Variants in NKAIN2 observed in about 807,000 individuals in gnomAD.
The protein encoded by NKAIN2 is sodium/potassium-transporting ATPase subunit beta-1-interacting protein 2.
Under a neutral mutation model 32.6 loss-of-function variants are expected in NKAIN2, and 14 were observed. The ratio of observed to expected loss-of-function variants is 0.43; its 90% CI spans 0.28 to 0.67. NKAIN2 has a LOEUF of 0.67. Ranked by LOEUF, NKAIN2 falls within the 30% of genes least tolerant of loss-of-function variation. The probability of loss-of-function intolerance (pLI) is 0.17; values close to 1 mark genes in which losing one functional copy is unlikely to be tolerated. For synonymous variants in NKAIN2, 80 were observed against 87.2 expected, an observed-to-expected ratio of 0.92 and a Z score of 0.46; for missense variants, 198 against 258.3, an observed-to-expected ratio of 0.77 and a Z score of 1.60.
chr6:124,225,095 T>C (rs1231041779), intron 1 of NKAIN2, among the ~76,000 whole-genome samples: 1 of 152,002 alleles, frequency 6.6e-6, no homozygotes, highest in Non-Finnish European at 1.5e-5. Flanking sequence ...TCAATATAGA[T>C]TGCTTTGTTT....
intron 2 of NKAIN2, among the ~76,000 whole-genome samples, chr6:124,291,849 A>G (rs1171769635): frequency 3.3e-5 from 5 of 152,024 alleles, no homozygotes; most frequent in Non-Finnish European, 5.9e-5. Flanking sequence ...TTTGAGTTTT[A>G]TATTTTCTGT....
At chr6:124,540,015 C>G (rs1248330635) in intron 3 of NKAIN2, among the ~76,000 whole-genome samples, 1 of 152,112 alleles carries the variant, frequency 6.6e-6, no homozygotes, top group Admixed American at 6.5e-5. Flanking sequence ...GCCACCACGC[C>G]CAGCCAAAGA....
intron 1 of NKAIN2, among the ~76,000 whole-genome samples, chr6:124,130,823 A>G (rs1178444059): frequency 6.6e-6 from 1 of 152,170 alleles, no homozygotes; most frequent in Non-Finnish European, 1.5e-5. Flanking sequence ...TATCTGTTCC[A>G]GGTCATGATG....
intron 3 of NKAIN2, among the ~76,000 whole-genome samples, chr6:124,411,386 A>G (rs543003273): frequency 1.4e-4 from 22 of 152,094 alleles, no homozygotes; most frequent in Admixed American, 1.4e-3. Context: ...GGTGGTGACA[A>G]AATCTCTCAG....
chr6:123,995,906 C>T (rs780648672), intron 1 of NKAIN2, among the ~76,000 whole-genome samples: 21 of 152,056 alleles, frequency 1.4e-4, no homozygotes, highest in Non-Finnish European at 2.8e-4. Flanking sequence ...TTTAACAAAG[C>T]ATTAATAAAA....
At chr6:123,938,862 A>G (rs1210757414) in intron 1 of NKAIN2, among the ~76,000 whole-genome samples, 3 of 151,842 alleles carry the variant, frequency 2.0e-5, no homozygotes, top group Middle Eastern at 6.8e-3. Context: ...ACTCATCCAT[A>G]TGGTGGGTTA....
intron 3 of NKAIN2, among the ~76,000 whole-genome samples, chr6:124,579,782 T>C (rs1258484493): frequency 1.3e-5 from 2 of 152,148 alleles, no homozygotes; most frequent in African/African-American, 4.8e-5. Context: ...AGACATTTAA[T>C]AATCAAACTA....
intron 1 of NKAIN2, among the ~76,000 whole-genome samples, chr6:123,894,163 T>C (rs1271833452): frequency 6.6e-6 from 1 of 152,178 alleles, no homozygotes; most frequent in Non-Finnish European, 1.5e-5. Flanking sequence ...TTTTCAGGTG[T>C]CTCAAAAATG....
intron 2 of NKAIN2, among the ~76,000 whole-genome samples, chr6:124,307,915 T>C (rs1796567970): frequency 6.6e-6 from 1 of 152,166 alleles, no homozygotes; most frequent in African/African-American, 2.4e-5. Context: ...ATGATAAAAA[T>C]GTATTATTAA....
intron 3 of NKAIN2, among the ~76,000 whole-genome samples, chr6:124,491,308 G>C (rs1445965221): frequency 6.6e-6 from 1 of 151,814 alleles, no homozygotes; most frequent in Non-Finnish European, 1.5e-5. Flanking sequence ...GCTCTACTGT[G>C]CTCTCTTTAA....
chr6:124,155,944 G>A (rs1319541133), intron 1 of NKAIN2, among the ~76,000 whole-genome samples: 4 of 150,426 alleles, frequency 2.7e-5, no homozygotes, highest in Admixed American at 6.6e-5. Flanking sequence ...AGATGCAAAT[G>A]CTGGGAAGAC....
chr6:124,061,521 CTA>C (rs1782916826), intron 1 of NKAIN2, among the ~76,000 whole-genome samples: 1 of 152,082 alleles, frequency 6.6e-6, no homozygotes, highest in Admixed American at 6.6e-5. Flanking sequence ...CTTTCTTACA[CTA>C]TGAGTGTCTT....
intron 1 of NKAIN2, among the ~76,000 whole-genome samples, chr6:124,276,874 C>T (rs1034442081): frequency 3.3e-5 from 5 of 152,094 alleles, no homozygotes; most frequent in South Asian, 2.1e-4. Flanking sequence ...GGACTACAAA[C>T]GAATTAAGCA....
At chr6:124,088,146 AC>A (rs1359472309) in intron 1 of NKAIN2, among the ~76,000 whole-genome samples, 1 of 151,860 alleles carries the variant, frequency 6.6e-6, no homozygotes, top group Non-Finnish European at 1.5e-5. Context: ...TTTGCAGTAG[AC>A]AGTCTTCAAA....
intron 1 of NKAIN2, among the ~76,000 whole-genome samples, chr6:124,060,380 A>C (rs551644054): frequency 6.6e-6 from 1 of 152,264 alleles, no homozygotes; most frequent in East Asian, 1.9e-4. Flanking sequence ...AAAGAGGAAA[A>C]GTTTCTTGTA....
intron 3 of NKAIN2, among the ~76,000 whole-genome samples, chr6:124,546,002 T>C (rs1780082139): frequency 6.6e-6 from 1 of 151,964 alleles, no homozygotes; most frequent in Non-Finnish European, 1.5e-5. Context: ...CAAGCTCTCC[T>C]AGAAAAAAAA....
chr6:124,634,965 G>GAGAA (rs550936859), intron 3 of NKAIN2, among the ~76,000 whole-genome samples: 1 of 145,444 alleles, frequency 6.9e-6, no homozygotes, highest in African/African-American at 2.5e-5. Flanking sequence ...AGTGCTGAAA[G>GAGAA]AGAAAGAAAG....
chr6:124,404,570 G>C (rs1773763351), intron 3 of NKAIN2, among the ~76,000 whole-genome samples: 1 of 151,932 alleles, frequency 6.6e-6, no homozygotes, highest in Non-Finnish European at 1.5e-5. Flanking sequence ...CTCAGTAAAA[G>C]AGTTGGCTAG....
intron 1 of NKAIN2, chr6:124,122,003 C>A: frequency 2.1e-6 from 1 of 469,442 alleles, no homozygotes; most frequent in Non-Finnish European, 3.4e-6. Flanking sequence ...ATTTGAAGAA[C>A]TCATGACCAT....
Sources: gnomAD v4.1 joint callset for allele counts (sites outside exome capture counted in the v4.1 genomes callset) on GRCh38, gnomAD v4.1.1 for gene constraint, MANE v1.5 for transcripts, NCBI Gene and HGNC (gene_info 2026-07-23, HGNC 2026-07-21) for gene names.